The following CENPC variants were observed in gnomAD, a reference collection of about 807,000 sequenced individuals.
CENPC encodes centromere protein C.
CENPC carries 63 observed loss-of-function variants against 112.1 expected under a neutral mutation model. The observed-to-expected ratio is 0.56, with a 90% CI of 0.46 to 0.69. The LOEUF is 0.69. CENPC is among the 30% of genes least tolerant of loss of function. CENPC has a pLI of 0.00. For missense variants in CENPC, 1,000 were observed against 1,103.8 expected (o/e 0.91, Z 1.33); for synonymous variants, 333 against 367.6 (o/e 0.91, Z 1.08).
chr4:67,493,856 C>T, intron 14 of CENPC, 28 bp downstream of exon 14: 1 of 1,481,806 alleles, frequency 6.7e-7, no homozygotes, highest in Non-Finnish European at 9.3e-7. Flanking sequence ...TTTTTATTGA[C>T]AGATATTATA....
rs940563309 is a variant in CENPC at position 67,474,640 on chromosome 4, G to A, written c.2761+248C>T. ...TTGAACCCAGGAGGTGGAGGCTACA[G>A]TGAGCTGAGATCGTGCCACTGCACT... On this transcript the variant is annotated intron_variant, in intron 18 of 18. Transcript: ENST00000273853. 5 of 377,258 alleles carry A rather than the reference G, an allele frequency of 1.3e-5. No homozygotes were observed. In the Admixed American group the frequency reaches 1.9e-4, roughly 14 times the overall value. 23.4% of individuals were successfully genotyped at this position (377,258 alleles called of 1,614,324 possible). A position where few individuals can be genotyped will look rare whatever the true frequency, so the allele number is the denominator to read the frequency against.
In CENPC at chr4:67,492,936, T is replaced by G; in HGVS notation, c.2352A>C (p.Lys784Asn). The change falls in exon 15 of 19, where the codon AAA becomes AAC. Residue 784 changes from lysine to asparagine, a missense_variant. Lys to Asn is a moderately conservative substitution (Grantham distance 94). Coordinates refer to ENST00000273853, the MANE Select transcript of CENPC (RefSeq NM_001812.4). ...PDTISSKRKA[K>N]ENIGKVNKKS... ...TTTTGTTGACTTTTCCAATATTTTC[T>G]TTTGCCTTCCTTTTAGACGATATTG... is the stretch of plus-strand genomic sequence containing the variant. 1 of 1,563,482 alleles carries G rather than the reference T, an allele frequency of 6.4e-7. No homozygotes were observed. Among genetic ancestry groups the G allele is most frequent in the Non-Finnish European group, 8.7e-7 (1 of 1,152,366 alleles).
chr4:67,508,996 T>G lies in CENPC; in HGVS notation c.1722A>C (p.Lys574Asn). Residue 574 changes from lysine to asparagine, a missense_variant, in exon 10 of 19, where the codon AAA becomes AAC. By Grantham distance (94) the Lys-to-Asn change is moderately conservative. Coordinates refer to ENST00000273853, the MANE Select transcript of CENPC (RefSeq NM_001812.4). ...TNQSSKNIRK[K>N]TIPLKRQKTA... The stretch of plus-strand genomic sequence containing the variant: ...TCTTCTGCCTTTTAAGTGGAATAGT[T>G]TTTTTCCTAATATTCTTAGATGACT... 1 of 1,613,466 alleles carries G rather than the reference T, an allele frequency of 6.2e-7. No homozygotes were observed. The highest frequency in any genetic ancestry group is 8.5e-7 in the Non-Finnish European group (1 of 1,179,668).
chr4:67,505,958 C>G (rs555334981), intron 11 of CENPC, among the ~76,000 whole-genome samples: 4 of 151,960 alleles, frequency 2.6e-5, no homozygotes, highest in African/African-American at 9.6e-5. Flanking sequence ...TAGCCAAAAA[C>G]CAATGGAATT....
chr4:67,490,231 A>T, intron 16 of CENPC, 110 bp from the exon 17 acceptor site: 1 of 720,110 alleles, frequency 1.4e-6, no homozygotes, highest in Non-Finnish European at 2.0e-6. Flanking sequence ...AATCTGCCTT[A>T]GAGAGTTGTT....
chr4:67,490,726 A>G (rs1725225680), intron 16 of CENPC, among the ~76,000 whole-genome samples: 1 of 151,108 alleles, frequency 6.6e-6, no homozygotes, highest in African/African-American at 2.4e-5. Flanking sequence ...ATTACTTAAC[A>G]AACTTTTCCA....
chr4:67,537,818 A>G (rs1488524902), intron 4 of CENPC, among the ~76,000 whole-genome samples: 1 of 151,914 alleles, frequency 6.6e-6, no homozygotes. Context: ...ATAGAGAAAT[A>G]ATAAATAAAT....
intron 7 of CENPC, among the ~76,000 whole-genome samples, chr4:67,516,750 G>C (rs925527117): frequency 6.6e-6 from 1 of 151,996 alleles, no homozygotes; most frequent in African/African-American, 2.4e-5. Context: ...AATAGGGAAA[G>C]ATGGCTTCTA....
chr4:67,519,937 A>G (rs1254115975), intron 5 of CENPC, among the ~76,000 whole-genome samples: 1 of 152,184 alleles, frequency 6.6e-6, no homozygotes, highest in Non-Finnish European at 1.5e-5. Flanking sequence ...ACTTCCCTGG[A>G]AATTATCCAT....
At chr4:67,505,151 A>C in intron 12 of CENPC, 54 bp downstream of exon 12, 104 of 1,099,228 alleles carry the variant, frequency 9.5e-5, no homozygotes, top group Non-Finnish European at 1.3e-4. Flanking sequence ...AGCACTCCTT[A>C]CTCCATATTC....
Position 67,530,916 on chromosome 4 carries a change from T to C in CENPC, c.232-2A>G. On this transcript the variant is annotated splice_acceptor_variant, in intron 4 of 18. Coordinates refer to ENST00000273853, the MANE Select transcript of CENPC (RefSeq NM_001812.4). LOFTEE classifies it high-confidence loss of function. ...TGACTTTGGATGTGATTTCTGGCAC[T>C]GAGCACAGAAGAAATACAACATTAG... The C allele has an allele frequency of 6.6e-7, 1 of 1,517,690 alleles. No individual in the cohort carries two copies. Among genetic ancestry groups the C allele is most frequent in the African/African-American group, 1.4e-5 (1 of 72,368 alleles). 94.0% of individuals were successfully genotyped at this position (1,517,690 alleles called of 1,614,324 possible). A position where few individuals can be genotyped will look rare whatever the true frequency, so the allele number is the denominator to read the frequency against.
chr4:67,523,729 G>GGAGT (rs1005012408), intron 5 of CENPC, among the ~76,000 whole-genome samples: 1 of 152,130 alleles, frequency 6.6e-6, no homozygotes, highest in Non-Finnish European at 1.5e-5. Context: ...CAACTCTACA[G>GGAGT]GAGTGACAGC....
Position 67,539,862 on chromosome 4 carries a change from C to T in CENPC, c.209G>A (p.Cys70Tyr), listed in dbSNP as rs370084228. Reference protein sequence around the residue: ...PNSTRKIKDTCIQSPSKECQK... With the variant: ...PNSTRKIKDTYIQSPSKECQK... Reference sequence around the variant, plus strand: ...TACCTCTTTGCTTGGTGACTGAATACAAGTGTCTTTTATTTTGCGTGTTGA... The same window carrying T: ...TACCTCTTTGCTTGGTGACTGAATATAAGTGTCTTTTATTTTGCGTGTTGA... Residue 70 changes from cysteine (C) to tyrosine (Y), a missense_variant, in exon 4 of 19, where the codon TGT (cysteine) becomes TAT (tyrosine). Coordinates refer to ENST00000273853, the MANE Select transcript of CENPC (RefSeq NM_001812.4). 46 of 1,531,708 alleles carry T rather than the reference C, an allele frequency of 3.0e-5. No homozygotes were observed. The African/African-American group carries it at 5.8e-4, about 19-fold the overall frequency. 94.9% of individuals were successfully genotyped at this position (1,531,708 alleles called of 1,614,324 possible).
Position 67,472,693 on chromosome 4 carries a change from A to C in CENPC, c.2762-18T>G. The C allele has an allele frequency of 6.7e-7, 1 of 1,488,072 alleles. No homozygotes were observed. Among genetic ancestry groups the C allele is most frequent in the Non-Finnish European group, 8.9e-7 (1 of 1,124,276 alleles). 92.2% of individuals were successfully genotyped at this position (1,488,072 alleles called of 1,614,324 possible). On this transcript the variant is annotated intron_variant, in intron 18 of 18. Coordinates refer to ENST00000273853, the MANE Select transcript of CENPC (RefSeq NM_001812.4). ...ATAGTTACCTAAAAGTAAAGTGATA[A>C]GAAAATAAAAATTATTTACATATGA... is the stretch of plus-strand genomic sequence containing the variant.
At chr4:67,541,747 A>G (rs974932239) in intron 2 of CENPC, among the ~76,000 whole-genome samples, 3 of 152,196 alleles carry the variant, frequency 2.0e-5, no homozygotes, top group African/African-American at 7.2e-5. Context: ...CTGTAGGTGC[A>G]GATAAAACAA....
At chr4:67,506,493 GCCAGAA>G (rs1465018667) in intron 11 of CENPC, among the ~76,000 whole-genome samples, 1 of 152,160 alleles carries the variant, frequency 6.6e-6, no homozygotes, top group Non-Finnish European at 1.5e-5. Flanking sequence ...ACTGGAAACA[GCCAGAA>G]CGGAACTGGG....
At chr4:67,480,707 T>A (rs1001099800) in intron 17 of CENPC, among the ~76,000 whole-genome samples, 2 of 152,100 alleles carry the variant, frequency 1.3e-5, no homozygotes, top group African/African-American at 4.8e-5. Context: ...CATGATCAGC[T>A]CAATAGATGC....
At chr4:67,506,701 A>T in intron 11 of CENPC, 87 bp downstream of exon 11, 1 of 1,097,394 alleles carries the variant, frequency 9.1e-7, no homozygotes, top group Non-Finnish European at 1.2e-6. Flanking sequence ...AGCTTTTAAC[A>T]AAATTAAAAT....
intron 4 of CENPC, among the ~76,000 whole-genome samples, chr4:67,531,508 C>T (rs888117018): frequency 2.6e-5 from 4 of 152,164 alleles, no homozygotes; most frequent in African/African-American, 7.2e-5. Flanking sequence ...GCACCTGCTG[C>T]GCCAGCCTGC....
Sources: gnomAD v4.1 joint callset for allele counts (sites outside exome capture counted in the v4.1 genomes callset) on GRCh38, gnomAD v4.1.1 for gene constraint, MANE v1.5 for transcripts, NCBI Gene and HGNC (gene_info 2026-07-23, HGNC 2026-07-21) for gene names.